Variants in TBC1D30 observed in about 807,000 individuals in gnomAD.
TBC1D30 encodes TBC1 domain family, member 30.
A neutral mutation model predicts 63.2 loss-of-function variants in TBC1D30; 31 were observed. The ratio of observed to expected loss-of-function variants is 0.49; its 90% CI spans 0.37 to 0.66. The LOEUF (loss-of-function observed/expected upper bound fraction) is 0.66. Ranked by LOEUF, TBC1D30 falls within the 30% of genes least tolerant of loss-of-function variation. The probability of loss-of-function intolerance (pLI) is 0.00; values close to 1 mark genes in which losing one functional copy is unlikely to be tolerated. For missense variants in TBC1D30, 810 were observed against 953.6 expected, an observed-to-expected ratio of 0.85 and a Z score of 1.98; for synonymous variants, 307 against 361.5, an observed-to-expected ratio of 0.85 and a Z score of 1.71.
chr12:64,798,127 G>A (rs1321518184), intron 2 of TBC1D30, among the ~76,000 whole-genome samples: 1 of 152,188 alleles, frequency 6.6e-6, no homozygotes, highest in Non-Finnish European at 1.5e-5. Flanking sequence ...ATGTATATAT[G>A]TAATTGTTTA....
intron 8 of TBC1D30, 100 bp downstream of exon 8, chr12:64,843,585 T>C: frequency 1.2e-6 from 1 of 821,756 alleles, no homozygotes; most frequent in Non-Finnish European, 1.9e-6. Context: ...CTTGGTTAGC[T>C]GTCAGACTTA....
exon 1 of TBC1D30, chr12:64,759,568 G>A (rs1160440836): frequency 2.2e-6 from 1 of 447,498 alleles, no homozygotes. Context: ...AAAGGGCGGA[G>A]AACCGGAGAA....
chr12:64,781,597 A>G (rs985973163), intron 1 of TBC1D30, among the ~76,000 whole-genome samples: 19 of 152,102 alleles, frequency 1.2e-4, no homozygotes, highest in Non-Finnish European at 2.6e-4. Context: ...TCACCTGAAC[A>G]GCTGTTAGGA....
chr12:64,769,331 G>A (rs1011432002), intron 1 of TBC1D30, among the ~76,000 whole-genome samples: 1 of 151,420 alleles, frequency 6.6e-6, no homozygotes, highest in Non-Finnish European at 1.5e-5. Flanking sequence ...TCAGCCTCCT[G>A]AGTAGCTGGG....
intron 8 of TBC1D30, among the ~76,000 whole-genome samples, chr12:64,849,878 C>A (rs1876715902): frequency 1.3e-5 from 2 of 152,154 alleles, no homozygotes; most frequent in African/African-American, 4.8e-5. Context: ...TGACCATTAT[C>A]ATGATATTGA....
At chr12:64,787,271 T>C (rs1871649933) in intron 2 of TBC1D30, 1 of 612,296 alleles carries the variant, frequency 1.6e-6, no homozygotes, top group Non-Finnish European at 2.0e-6. Context: ...ACCTTGTGAA[T>C]TAATTTTAAA....
intron 1 of TBC1D30, chr12:64,825,456 G>A (rs1335110371): frequency 5.9e-6 from 1 of 169,098 alleles, no homozygotes; most frequent in African/African-American, 2.4e-5. Flanking sequence ...CTGCAGGTCG[G>A]AGGAGGAAGA....
chr12:64,825,870 G>A (rs1874291517), intron 1 of TBC1D30, among the ~76,000 whole-genome samples: 1 of 152,184 alleles, frequency 6.6e-6, no homozygotes, highest in Non-Finnish European at 1.5e-5. Flanking sequence ...TTCCAGGCGG[G>A]TTCACGGTCC....
At chr12:64,819,915 C>T (rs1295560038), upstream of TBC1D30, among the ~76,000 whole-genome samples, 3 of 152,138 alleles carry the variant, frequency 2.0e-5, no homozygotes, top group African/African-American at 7.2e-5. Flanking sequence ...CATCTCCTGC[C>T]GAATGGGAGA....
At chr12:64,873,756 G>A (rs1438634668) in intron 11 of TBC1D30, among the ~76,000 whole-genome samples, 1 of 152,126 alleles carries the variant, frequency 6.6e-6, no homozygotes, top group African/African-American at 2.4e-5. Flanking sequence ...TGTAATGGAG[G>A]GCCAATCACA....
At chr12:64,838,550 G>C in intron 6 of TBC1D30, 133 bp from the exon 7 acceptor site, 1 of 898,038 alleles carries the variant, frequency 1.1e-6, no homozygotes, top group Non-Finnish European at 1.6e-6. Context: ...GAAAGAACAA[G>C]AGTTTAGAAA....
chr12:64,802,515 T>C (rs1271068110), intron 2 of TBC1D30, among the ~76,000 whole-genome samples: 1 of 152,164 alleles, frequency 6.6e-6, no homozygotes, highest in Non-Finnish European at 1.5e-5. Flanking sequence ...TTTATTATTA[T>C]ACTTTAAGTT....
intron 1 of TBC1D30, among the ~76,000 whole-genome samples, chr12:64,768,964 C>T (rs1870809804): frequency 6.6e-6 from 1 of 152,070 alleles, no homozygotes; most frequent in Non-Finnish European, 1.5e-5. Flanking sequence ...CGAGACCAGT[C>T]TGTGCAACGT....
intron 10 of TBC1D30, chr12:64,868,191 G>C (rs764621079): frequency 6.3e-6 from 1 of 158,548 alleles, no homozygotes; most frequent in Non-Finnish European, 1.4e-5. Context: ...AGTGTTATCT[G>C]TCATGGCAAT....
upstream of TBC1D30, chr12:64,779,009 T>G (rs370828460): frequency 5.6e-4 from 86 of 152,338 alleles, no homozygotes; most frequent in African/African-American, 2.0e-3. Flanking sequence ...GAAGTTCTTA[T>G]TAACTTAGAA....
At chr12:64,803,872 A>G (rs1872719178) in intron 2 of TBC1D30, among the ~76,000 whole-genome samples, 1 of 152,288 alleles carries the variant, frequency 6.6e-6, no homozygotes, top group African/African-American at 2.4e-5. Context: ...CTGTTTTGGT[A>G]CCAGTATCAT....
upstream of TBC1D30, among the ~76,000 whole-genome samples, chr12:64,824,072 CT>C (rs11423646): frequency 1.5e-4 from 22 of 145,214 alleles, no homozygotes; most frequent in Admixed American, 2.8e-4. Context: ...TTGAGAATGA[CT>C]TTTTTTTTTT....
chr12:64,775,296 G>A (rs1307927612), intron 1 of TBC1D30, among the ~76,000 whole-genome samples: 2 of 152,026 alleles, frequency 1.3e-5, no homozygotes, highest in Non-Finnish European at 2.9e-5. Flanking sequence ...AACCTTAAAT[G>A]TAAATGGGCT....
rs149228334 is a variant in TBC1D30, at chr12:64,839,722, A to C, written c.932+871A>C. Reference sequence around the variant, plus strand: ...TTTTGCAAAGAAAGATCCACCAACTATCGGCCGAGCGCGGTAGCTCACGCC... The same window carrying C: ...TTTTGCAAAGAAAGATCCACCAACTCTCGGCCGAGCGCGGTAGCTCACGCC... On this transcript the variant is annotated intron_variant, in intron 7 of 11. Coordinates refer to ENST00000539867, the MANE Select transcript of TBC1D30 (RefSeq NM_015279.2). Among the ~76,000 whole-genome samples the C allele has an allele frequency of 4.6e-5, 7 of 152,306 alleles. No homozygotes were observed. The East Asian group carries it at 1.4e-3, about 29-fold the overall frequency.
Sources: allele counts gnomAD v4.1 joint callset (sites outside exome capture counted in the v4.1 genomes callset), GRCh38; gene constraint gnomAD v4.1.1; transcripts MANE v1.5; gene names NCBI Gene and HGNC (gene_info 2026-07-23, HGNC 2026-07-21).